Variants in SOX6 observed in about 807,000 individuals in gnomAD.
The protein encoded by SOX6 is transcription factor SOX-6.
In SOX6, 11 loss-of-function variants were observed where a neutral mutation model predicts 97.8. The observed-to-expected ratio is 0.11, with a 90% CI of 0.07 to 0.19. The LOEUF is 0.19. SOX6 is among the 10% of genes least tolerant of loss of function. The pLI is 1.00. For synonymous variants in SOX6, 360 were observed against 371.4 expected, an observed-to-expected ratio of 0.97 and a Z score of 0.35; for missense variants, 810 against 1,039.5, an observed-to-expected ratio of 0.78 and a Z score of 3.04.
intron 1 of SOX6, among the ~76,000 whole-genome samples, chr11:16,377,656 G>A (rs1168778135): frequency 6.6e-6 from 1 of 152,094 alleles, no homozygotes; most frequent in Non-Finnish European, 1.5e-5. Context: ...TCTGGTTCCT[G>A]CACATGTGAC....
In SOX6 at chr11:16,231,922, A is replaced by G. The variant is rs1040032809; in HGVS notation, c.535+2660T>C. Reference sequence around the variant, plus strand: ...TTCTAATTTTGTGGGGAAAATTAACATAAGTATGCATAATTTAAAATGGAA... The same window carrying G: ...TTCTAATTTTGTGGGGAAAATTAACGTAAGTATGCATAATTTAAAATGGAA... On this transcript the variant is annotated intron_variant, in intron 4 of 15. Coordinates refer to ENST00000683767, the MANE Select transcript of SOX6 (RefSeq NM_001367873.1). 1.1e-4 allele frequency among the ~76,000 whole-genome samples: 16 copies of G among 152,006 alleles called. No individual in the cohort carries two copies. In the East Asian group the frequency reaches 3.1e-3, roughly 29 times the overall value.
chr11:16,479,629 A>C (rs978713033), upstream of SOX6, among the ~76,000 whole-genome samples: 1 of 152,108 alleles, frequency 6.6e-6, no homozygotes, highest in Admixed American at 6.6e-5. Flanking sequence ...AAAAATTAGG[A>C]ACCTCCCAAA....
chr11:16,205,507 T>A (rs985135990), intron 4 of SOX6, among the ~76,000 whole-genome samples: 1 of 152,020 alleles, frequency 6.6e-6, no homozygotes. Flanking sequence ...AAACAAGGTA[T>A]CAAAATAACA....
At chr11:16,454,077 C>A (rs961387523) in intron 1 of SOX6, among the ~76,000 whole-genome samples, 1 of 151,990 alleles carries the variant, frequency 6.6e-6, no homozygotes, top group African/African-American at 2.4e-5. Flanking sequence ...ATGATGCAGT[C>A]TTTTTTAACA....
chr11:16,291,731 A>T (rs1349134354), intron 3 of SOX6, among the ~76,000 whole-genome samples: 1 of 152,166 alleles, frequency 6.6e-6, no homozygotes, highest in African/African-American at 2.4e-5. Flanking sequence ...CACATTTTAA[A>T]TGACTTCAAA....
rs562338138 is a variant in SOX6, at chr11:16,456,723, G to A, written c.-5+19592C>T. On this transcript the variant is annotated intron_variant, in intron 1 of 15. Transcript: ENST00000396356. ...GGCTCCAAAATGACAATGGTTTATC[G>A]ATGTATTCTATTGACTGGGCAAATT... Among the ~76,000 whole-genome samples, 24 of 152,216 alleles carry A rather than the reference G, an allele frequency of 1.6e-4. No individual in the cohort carries two copies. In the South Asian group the frequency reaches 5.0e-3, roughly 32 times the overall value.
At chr11:16,499,650 T>A (rs1860667905) in intron 4 of SOX6, among the ~76,000 whole-genome samples, 1 of 152,108 alleles carries the variant, frequency 6.6e-6, no homozygotes, top group Non-Finnish European at 1.5e-5. Flanking sequence ...CCCACAGAAA[T>A]ACAAACTACC....
intron 6 of SOX6, among the ~76,000 whole-genome samples, chr11:16,125,850 G>GGAAA: frequency 6.6e-6 from 1 of 150,646 alleles, no homozygotes; most frequent in Non-Finnish European, 1.5e-5. Context: ...AAGGAAGGAA[G>GGAAA]GAAGGAAGGA....
chr11:16,099,360 C>A (rs1178732080), intron 7 of SOX6, among the ~76,000 whole-genome samples: 2 of 151,686 alleles, frequency 1.3e-5, no homozygotes, highest in African/African-American at 2.4e-5. Context: ...GAAGAATATC[C>A]TAATCTAAGT....
At chr11:16,700,894 CTG>C (rs1253931934) in intron 3 of SOX6, among the ~76,000 whole-genome samples, 6 of 152,152 alleles carry the variant, frequency 3.9e-5, no homozygotes, top group African/African-American at 1.2e-4. Flanking sequence ...ATCCTTTCCT[CTG>C]AGTTGAATTG....
intron 4 of SOX6, among the ~76,000 whole-genome samples, chr11:16,520,307 C>A (rs1235583266): frequency 6.6e-6 from 1 of 152,162 alleles, no homozygotes; most frequent in African/African-American, 2.4e-5. Flanking sequence ...CCTAAGTTTT[C>A]TTCCAGAATT....
intron 1 of SOX6, among the ~76,000 whole-genome samples, chr11:16,349,653 GAAGA>G (rs1856861295): frequency 8.0e-6 from 1 of 125,132 alleles, no homozygotes. Flanking sequence ...AAAGAAAACA[GAAGA>G]AAGAGAGGGA....
At chr11:16,020,874 A>G (rs200209104) in intron 12 of SOX6, among the ~76,000 whole-genome samples, 1 of 152,140 alleles carries the variant, frequency 6.6e-6, no homozygotes, top group African/African-American at 2.4e-5. Flanking sequence ...CAGAACACTT[A>G]GTATTAGTGT....
At chr11:16,720,371 T>C (rs1848251076) in intron 2 of SOX6, among the ~76,000 whole-genome samples, 1 of 137,280 alleles carries the variant, frequency 7.3e-6, no homozygotes, top group South Asian at 2.6e-4. Flanking sequence ...CCATAAAAAA[T>C]GATGAGTTCA....
intron 3 of SOX6, among the ~76,000 whole-genome samples, chr11:16,285,156 T>C (rs1167104568): frequency 6.6e-6 from 1 of 152,130 alleles, no homozygotes; most frequent in Non-Finnish European, 1.5e-5. Context: ...TAAATGACAT[T>C]AAAATATCAA....
intron 2 of SOX6, among the ~76,000 whole-genome samples, chr11:16,323,662 A>G (rs1214801442): frequency 6.6e-6 from 1 of 152,100 alleles, no homozygotes; most frequent in Non-Finnish European, 1.5e-5. Context: ...GCTACCCTCC[A>G]AACTACACAT....
chr11:15,972,921 T>C lies in SOX6; in HGVS notation c.2375A>G (p.Asn792Ser). 6.2e-7 allele frequency: 1 copy of C among 1,614,238 alleles called. No individual in the cohort carries two copies. The highest frequency in any genetic ancestry group is 1.6e-4 in the Middle Eastern group (1 of 6,062). The change falls in exon 16 of 16, where the codon AAT (asparagine) becomes AGT (serine). Residue 792 changes from asparagine (N) to serine (S), a missense_variant. Asn to Ser is a conservative substitution (Grantham distance 46). Coordinates refer to ENST00000683767, the MANE Select transcript of SOX6 (RefSeq NM_001367873.1). ...MKTDGGSLAG[N>S]EMINGEDEME... ...TTCATCCTCTCCATTGATCATTTCATTTCCAGCTAGGCTTCCGCCATCTGT... is the reference window on the plus strand; with the variant it reads ...TTCATCCTCTCCATTGATCATTTCACTTCCAGCTAGGCTTCCGCCATCTGT...
At chr11:16,073,306 A>G (rs1590177495) in intron 9 of SOX6, among the ~76,000 whole-genome samples, 1 of 140,332 alleles carries the variant, frequency 7.1e-6, no homozygotes, top group Admixed American at 6.8e-5. Context: ...CTAATTTCAG[A>G]AAAAAAAACA....
At chr11:15,973,200 T>C in intron 15 of SOX6, 88 bp from the exon 16 acceptor site, 3 of 1,285,672 alleles carry the variant, frequency 2.3e-6, no homozygotes, top group Non-Finnish European at 3.3e-6. Flanking sequence ...CCCTACACTT[T>C]CAAAAGGGAG....
Sources: gnomAD v4.1 joint callset for allele counts (sites outside exome capture counted in the v4.1 genomes callset) on GRCh38, gnomAD v4.1.1 for gene constraint, MANE v1.5 for transcripts, NCBI Gene and HGNC (gene_info 2026-07-23, HGNC 2026-07-21) for gene names.